The following ARHGAP31 variants were observed in gnomAD, a reference collection of about 807,000 sequenced individuals.
The protein encoded by ARHGAP31 is Rho GTPase activating protein 31.
Under a neutral mutation model 113.9 loss-of-function variants are expected in ARHGAP31, and 34 were observed. The observed-to-expected ratio is 0.30, with a 90% CI of 0.23 to 0.40. The LOEUF (loss-of-function observed/expected upper bound fraction) is 0.40. ARHGAP31 is among the 10% of genes least tolerant of loss of function. The pLI is 1.00. For missense variants in ARHGAP31, 1,548 were observed against 1,767.1 expected (o/e 0.88, Z 2.22); for synonymous variants, 650 against 684.8 (o/e 0.95, Z 0.79).
intron 3 of ARHGAP31, 46 bp downstream of exon 3, chr3:119,368,562 A>T (rs1205890779): frequency 6.2e-7 from 1 of 1,608,380 alleles, no homozygotes; most frequent in Admixed American, 1.7e-5. Flanking sequence ...GGATGCATGG[A>T]TGGGCCAAGA....
At chr3:119,361,810 C>A (rs2080209652) in intron 1 of ARHGAP31, among the ~76,000 whole-genome samples, 1 of 152,210 alleles carries the variant, frequency 6.6e-6, no homozygotes, top group South Asian at 2.1e-4. Context: ...AGATTGAGTC[C>A]TTTCCCATTA....
intron 10 of ARHGAP31, among the ~76,000 whole-genome samples, chr3:119,406,446 T>A (rs777512470): frequency 6.6e-6 from 1 of 152,236 alleles, no homozygotes; most frequent in South Asian, 2.1e-4. Flanking sequence ...AAATGATGTT[T>A]GCACGTCATG....
At position 119,414,845 on chromosome 3, in the gene ARHGAP31, C is replaced by T. The variant is rs1361872777; in HGVS notation, c.2916C>T (p.Ser972=). ...KSQWTLEVPS[S]SSCANLETER... is the part of the protein sequence containing the mutation. ...AGTGGACTCTCGAGGTTCCCTCCTC[C>T]AGCAGCTGTGCTAATCTTGAAACAG... Residue 972 remains serine (S), a synonymous_variant, in exon 12 of 12, where the codon TCC becomes TCT. Transcript: ENST00000264245. The T allele has an allele frequency of 6.2e-7, 1 of 1,614,246 alleles. No individual in the cohort carries two copies. Among genetic ancestry groups the T allele is most frequent in the Non-Finnish European group, 8.5e-7 (1 of 1,180,040 alleles).
At chr3:119,374,484 A>G (rs1436766391) in intron 3 of ARHGAP31, among the ~76,000 whole-genome samples, 1 of 152,144 alleles carries the variant, frequency 6.6e-6, no homozygotes, top group Non-Finnish European at 1.5e-5. Flanking sequence ...TTAGGTATTC[A>G]GTATGGTTTG....
chr3:119,360,423 A>G (rs934892632), intron 1 of ARHGAP31, among the ~76,000 whole-genome samples: 1 of 152,246 alleles, frequency 6.6e-6, no homozygotes, highest in African/African-American at 2.4e-5. Context: ...TGTGGCCACC[A>G]CAACCACGTA....
At chr3:119,323,672 C>T (rs2079814449) in intron 1 of ARHGAP31, among the ~76,000 whole-genome samples, 1 of 152,160 alleles carries the variant, frequency 6.6e-6, no homozygotes, top group African/African-American at 2.4e-5. Flanking sequence ...TGGAGCAAGC[C>T]CTGTCCTCGT....
intron 9 of ARHGAP31, among the ~76,000 whole-genome samples, chr3:119,400,584 T>C (rs868770039): frequency 2.0e-5 from 3 of 152,378 alleles, no homozygotes; most frequent in Middle Eastern, 6.8e-3. Flanking sequence ...TTCTTGGCAG[T>C]TATTGCCCAG....
chr3:119,318,147 G>C (rs920034400), intron 1 of ARHGAP31, among the ~76,000 whole-genome samples: 1 of 151,996 alleles, frequency 6.6e-6, no homozygotes, highest in East Asian at 1.9e-4. Context: ...GCTCATGCCT[G>C]TGTCCCCAGC....
chr3:119,355,490 CT>C (rs750466966), intron 1 of ARHGAP31, among the ~76,000 whole-genome samples: 1,893 of 145,604 alleles, frequency 0.013, 24 homozygotes, highest in African/African-American at 0.032. Context: ...TTTTTAATTT[CT>C]TTTTTTTTAT....
At chr3:119,347,969 T>C (rs1006164797) in intron 1 of ARHGAP31, among the ~76,000 whole-genome samples, 2 of 152,252 alleles carry the variant, frequency 1.3e-5, no homozygotes, top group African/African-American at 4.8e-5. Context: ...GCTAGTTGTC[T>C]GTGTCTTTTA....
intron 1 of ARHGAP31, among the ~76,000 whole-genome samples, chr3:119,312,527 T>C (rs1170262560): frequency 1.3e-5 from 2 of 152,226 alleles, no homozygotes; most frequent in Non-Finnish European, 2.9e-5. Context: ...CAGGATGTGA[T>C]TTAATAAGGA....
chr3:119,294,501 C>T lies in ARHGAP31; in HGVS notation c.-404C>T, dbSNP rs958285636. The T allele has an allele frequency of 6.6e-6, 3 of 454,392 alleles. No homozygotes were observed. Among genetic ancestry groups the T allele is most frequent in the Non-Finnish European group, 7.6e-6 (2 of 263,996 alleles). The allele number at this position is 454,392 out of a possible 1,614,324, so 28.1% of individuals were successfully genotyped here. On this transcript the variant is annotated 5_prime_UTR_variant, in exon 1 of 12. Transcript: ENST00000264245. ...CCACCGCAGCCCCCTGGGCAGTCTC[C>T]TCGCCCCGCGTCCGCGTCGTCTCCG...
Position 119,294,773 on chromosome 3 carries a change from A to G in ARHGAP31, c.-132A>G, listed in dbSNP as rs954358993. On this transcript the variant is annotated 5_prime_UTR_variant, in exon 1 of 12. Transcript: ENST00000264245. ...GTCCATGCGCAGGGCCCCCAGCCCA[A>G]GTTCTTCCATCTTCCGATGCGGCCC... 1 of 865,004 alleles carries G rather than the reference A, an allele frequency of 1.2e-6. No individual in the cohort carries two copies. The highest frequency in any genetic ancestry group is 2.0e-5 in the Admixed American group (1 of 51,098). The allele number at this position is 865,004 out of a possible 1,614,324, so 53.6% of individuals were successfully genotyped here. A position where few individuals can be genotyped will look rare whatever the true frequency, so the allele number is the denominator to read the frequency against.
At chr3:119,413,753 G>A in intron 11 of ARHGAP31, 103 bp from the exon 12 acceptor site, 1 of 1,530,808 alleles carries the variant, frequency 6.5e-7, no homozygotes, top group Non-Finnish European at 9.0e-7. Flanking sequence ...TTGCTGAACT[G>A]GCACAGGCTG....
intron 3 of ARHGAP31, among the ~76,000 whole-genome samples, chr3:119,374,204 A>T (rs2080328533): frequency 6.6e-6 from 1 of 152,158 alleles, no homozygotes. Context: ...TTGATCCCTC[A>T]TGAGTGGCAT....
rs766421058 is a variant in ARHGAP31 at position 119,380,995 on chromosome 3, G to T, written c.431+9G>T. 11 of 1,613,318 alleles carry T rather than the reference G, an allele frequency of 6.8e-6. No homozygotes were observed. Among genetic ancestry groups the T allele is most frequent in the Admixed American group, 3.3e-5 (2 of 60,008 alleles). On this transcript the variant is annotated intron_variant, in intron 4 of 11. Coordinates refer to ENST00000264245, the MANE Select transcript of ARHGAP31 (RefSeq NM_020754.4). ...CCTCCATCCCACTATAGGTAAGAATGGTTGGGAAAAGAAACGTGTGGCCTC... is the reference window on the plus strand; with the variant it reads ...CCTCCATCCCACTATAGGTAAGAATTGTTGGGAAAAGAAACGTGTGGCCTC...
rs760297537 is a variant in ARHGAP31 at position 119,402,216 on chromosome 3, G to A, written c.1464G>A (p.Glu488=). 2.5e-6 allele frequency: 4 copies of A among 1,614,272 alleles called. No homozygotes were observed. The highest frequency in any genetic ancestry group is 2.7e-5 in the African/African-American group (2 of 75,078). The part of the protein sequence containing the change: ...RNQRKALNIS[E]PFAVSVPLRV... ...AGCGCAAGGCGCTGAACATCTCCGAGCCCTTTGCGGTATCTGTGCCGCTCC... is the reference window on the plus strand; with the variant it reads ...AGCGCAAGGCGCTGAACATCTCCGAACCCTTTGCGGTATCTGTGCCGCTCC... The change falls in exon 10 of 12, where the codon GAG becomes GAA. Residue 488 remains glutamate, a synonymous_variant. Coordinates refer to ENST00000264245, the MANE Select transcript of ARHGAP31 (RefSeq NM_020754.4).
In ARHGAP31 at chr3:119,416,046, C is replaced by A. The variant is rs1307374082; in HGVS notation, c.4117C>A (p.Leu1373Met). 1 of 1,614,198 alleles carries A rather than the reference C, an allele frequency of 6.2e-7. No individual in the cohort carries two copies. The highest frequency in any genetic ancestry group is 8.5e-7 in the Non-Finnish European group (1 of 1,180,034). ...CACAGTGACAGATTCCAAGGTCCTG[C>A]TGTCCCCTATCAGAAGTCCCACCCA... ...SSTVTDSKVL[L>M]SPIRSPTQTV... The change falls in exon 12 of 12, where the codon CTG (leucine) becomes ATG (methionine). Residue 1373 changes from leucine (L) to methionine (M), a missense_variant. Physicochemically the swap from Leu to Met is conservative, Grantham distance 15 (BLOSUM62 2). Coordinates refer to ENST00000264245, the MANE Select transcript of ARHGAP31 (RefSeq NM_020754.4).
chr3:119,399,367 C>A, intron 9 of ARHGAP31, 106 bp downstream of exon 9: 1 of 966,290 alleles, frequency 1.0e-6, no homozygotes, highest in Non-Finnish European at 1.6e-6. Flanking sequence ...CACAGTCACA[C>A]ACAACTACCT....
Sources: gnomAD v4.1 joint callset for allele counts (sites outside exome capture counted in the v4.1 genomes callset) on GRCh38, gnomAD v4.1.1 for gene constraint, MANE v1.5 for transcripts, NCBI Gene and HGNC (gene_info 2026-07-23, HGNC 2026-07-21) for gene names.